The following NUP214 variants were observed in gnomAD, a reference collection of about 807,000 sequenced individuals.
The protein encoded by NUP214 is nuclear pore complex protein Nup214.
NUP214 carries 79 observed loss-of-function variants against 196.2 expected under a neutral mutation model. The ratio of observed to expected loss-of-function variants is 0.40; its 90% CI spans 0.34 to 0.49. The LOEUF (loss-of-function observed/expected upper bound fraction) is 0.49, where lower values mean the gene tolerates loss of function less well. NUP214 is among the 20% of genes least tolerant of loss of function. The probability of loss-of-function intolerance (pLI) is 0.58; values close to 1 mark genes in which losing one functional copy is unlikely to be tolerated. For missense variants in NUP214, 2,468 were observed against 2,539.0 expected, an observed-to-expected ratio of 0.97 and a Z score of 0.60; for synonymous variants, 1,020 against 990.5, an observed-to-expected ratio of 1.03 and a Z score of -0.56.
Position 131,192,197 on chromosome 9 carries a change from C to G in NUP214, c.3575-11C>G. On this transcript the variant is annotated splice_polypyrimidine_tract_variant and intron_variant, in intron 26 of 35. Coordinates refer to ENST00000359428, the MANE Select transcript of NUP214 (RefSeq NM_005085.4). Reference sequence around the variant, plus strand: ...TTTTTTTTTTTTTTTTTTTTTTTTCCATAATTTCAGGGACAGCCAAGATAG... The same window carrying G: ...TTTTTTTTTTTTTTTTTTTTTTTTCGATAATTTCAGGGACAGCCAAGATAG... 5.6e-6 allele frequency: 1 copy of G among 179,470 alleles called. No homozygotes were observed. Among genetic ancestry groups the G allele is most frequent in the Non-Finnish European group, 9.2e-6 (1 of 109,084 alleles). The allele number at this position is 179,470 out of a possible 1,614,324, so 11.1% of individuals were successfully genotyped here. A position where few individuals can be genotyped will look rare whatever the true frequency, so the allele number is the denominator to read the frequency against.
intron 24 of NUP214, among the ~76,000 whole-genome samples, chr9:131,182,606 G>C (rs2131014715): frequency 6.6e-6 from 1 of 152,294 alleles, no homozygotes; most frequent in East Asian, 1.9e-4. Flanking sequence ...GTGCCAAAAA[G>C]GTTGGGGACC....
At position 131,125,758 on chromosome 9, in the gene NUP214, C is replaced by T; in HGVS notation, c.45+9C>T. On this transcript the variant is annotated intron_variant, in intron 1 of 35. Transcript: ENST00000359428. The surrounding 1 kb of genome is among the most constrained non-coding windows in gnomAD (Gnocchi z 4.1). ...CCGAGCGGGAGATGAAGGTCAGAGA[C>T]TAACCGGGGCCTCCCTCCCTTCTTT... is the stretch of plus-strand genomic sequence containing the variant. 2.6e-6 allele frequency: 4 copies of T among 1,551,298 alleles called. No homozygotes were observed. The highest frequency in any genetic ancestry group is 2.6e-6 in the Non-Finnish European group (3 of 1,146,838).
Position 131,144,424 on chromosome 9 carries a change from C to G in NUP214, c.1439C>G (p.Thr480Ser), listed in dbSNP as rs758074934. 1 of 1,614,200 alleles carries G rather than the reference C, an allele frequency of 6.2e-7. No individual in the cohort carries two copies. The highest frequency in any genetic ancestry group is 1.1e-5 in the South Asian group (1 of 91,086). ...TTGCTTCCTGCTGGTGGAGCCCCCA[C>G]TGTGTTCTCCTTTGGTTCTTCATCT... ...FSLLPAGGAP[T>S]VFSFGSSSLK... Residue 480 changes from threonine to serine, a missense_variant, in exon 12 of 36, where the codon ACT (threonine) becomes AGT (serine). Around this residue, in one of 5 missense-constraint regions of NUP214, gnomAD observed 1,801 missense variants for 1,779.4 expected, o/e 1.01. Coordinates refer to ENST00000359428, the MANE Select transcript of NUP214 (RefSeq NM_005085.4).
chr9:131,152,011 G>T, intron 17 of NUP214, 117 bp downstream of exon 17: 1 of 750,862 alleles, frequency 1.3e-6, no homozygotes, highest in Non-Finnish European at 2.0e-6. Context: ...TTGATTTTCT[G>T]CTTATAATTT....
Position 131,125,722 on chromosome 9 carries a change from T to C in NUP214, c.18T>C (p.Asp6=). Residue 6 remains aspartate (D), a synonymous_variant, in exon 1 of 36, where the codon GAT becomes GAC. Coordinates refer to ENST00000359428, the MANE Select transcript of NUP214 (RefSeq NM_005085.4). This position sits in a 1 kb window ranked among gnomAD's most constrained non-coding sequence, Gnocchi z 4.1. MGDEM[D]AMIPEREMKD... Reference sequence around the variant, plus strand: ...GCGGCGCGATGGGAGACGAGATGGATGCCATGATTCCCGAGCGGGAGATGA... The same window carrying C: ...GCGGCGCGATGGGAGACGAGATGGACGCCATGATTCCCGAGCGGGAGATGA... 6.4e-7 allele frequency: 1 copy of C among 1,552,542 alleles called. No individual in the cohort carries two copies.
chr9:131,145,279 C>T (rs150240254), intron 12 of NUP214, among the ~76,000 whole-genome samples: 51 of 152,160 alleles, frequency 3.4e-4, no homozygotes, highest in African/African-American at 1.2e-3. Flanking sequence ...AGATCTGGGT[C>T]GGGCAGCTCA....
At position 131,128,334 on chromosome 9, in the gene NUP214, G is replaced by A; in HGVS notation, c.244G>A (p.Asp82Asn). ...KPGDDPNKIV[D>N]KVQGLLVPMK... ...TTTGTATTTTTTTGTTTTCATAGTT[G>A]ATAAAGTCCAAGGCTTGCTAGTTCC... Residue 82 changes from aspartate to asparagine, a missense_variant and splice_region_variant, in exon 3 of 36, where the codon GAT becomes AAT. Asp to Asn is a conservative substitution (Grantham distance 23). Around this residue, in one of 5 missense-constraint regions of NUP214, gnomAD observed 392 missense variants for 417.9 expected, o/e 0.94. Transcript: ENST00000359428. The A allele has an allele frequency of 6.2e-7, 1 of 1,606,810 alleles. No individual in the cohort carries two copies. The highest frequency in any genetic ancestry group is 8.5e-7 in the Non-Finnish European group (1 of 1,175,854).
At chr9:131,220,341 C>T (rs563453467) in intron 31 of NUP214, among the ~76,000 whole-genome samples, 3 of 152,286 alleles carry the variant, frequency 2.0e-5, no homozygotes, top group African/African-American at 4.8e-5. Flanking sequence ...ACATTGTTGA[C>T]ATTAGAAACA....
rs778878677 is a variant in NUP214 at position 131,178,319 on chromosome 9, A to G, written c.3328A>G (p.Thr1110Ala). 4 of 1,612,728 alleles carry G rather than the reference A, an allele frequency of 2.5e-6. No individual in the cohort carries two copies. Among genetic ancestry groups the G allele is most frequent in the Admixed American group, 1.7e-5 (1 of 60,016 alleles). Reference sequence around the variant, plus strand: ...TTCTCTGTTTAAATTAGCTGTAAACACTTTGACTGAATCAACGTTGAAGAA... The same window carrying G: ...TTCTCTGTTTAAATTAGCTGTAAACGCTTTGACTGAATCAACGTTGAAGAA... ...QMASQAPAVNTLTESTLKNVP... is the reference protein window; with the variant it reads ...QMASQAPAVNALTESTLKNVP... Residue 1110 changes from threonine (T) to alanine (A), a missense_variant, in exon 24 of 36, where the codon ACT becomes GCT. This residue lies in a region of NUP214 where 1,801 missense variants were observed against 1,779.4 expected (regional missense o/e 1.01). Coordinates refer to ENST00000359428, the MANE Select transcript of NUP214 (RefSeq NM_005085.4).
At chr9:131,215,847 T>A (rs1487215295) in intron 31 of NUP214, among the ~76,000 whole-genome samples, 13 of 152,116 alleles carry the variant, frequency 8.5e-5, no homozygotes, top group Admixed American at 8.5e-4. Context: ...CTCTTACATT[T>A]TTGTTTTATT....
intron 32 of NUP214, among the ~76,000 whole-genome samples, chr9:131,223,787 T>C: frequency 7.5e-6 from 1 of 132,598 alleles, no homozygotes; most frequent in Non-Finnish European, 1.6e-5. Context: ...CAGGCTGGAG[T>C]GCAGTGGCGC....
intron 21 of NUP214, among the ~76,000 whole-genome samples, chr9:131,170,863 A>C (rs1832936830): frequency 1.3e-5 from 2 of 151,994 alleles, no homozygotes; most frequent in South Asian, 4.1e-4. Context: ...AGTGCAGCGT[A>C]AAAGTGTCGT....
intron 30 of NUP214, among the ~76,000 whole-genome samples, chr9:131,207,586 C>T (rs951019086): frequency 6.6e-6 from 1 of 152,258 alleles, no homozygotes; most frequent in African/African-American, 2.4e-5. Flanking sequence ...CACAGAACAT[C>T]ACTTAGGCTG....
At chr9:131,127,360 A>C (rs1166773041) in intron 1 of NUP214, among the ~76,000 whole-genome samples, 164 bp from the exon 2 acceptor site, 1 of 152,148 alleles carries the variant, frequency 6.6e-6, no homozygotes, top group African/African-American at 2.4e-5. Context: ...TCCAGCCTGG[A>C]CGACAGAGCG....
chr9:131,136,869 G>A (rs919181646), intron 9 of NUP214: 10 of 152,206 alleles, frequency 6.6e-5, no homozygotes, highest in African/African-American at 2.2e-4. Context: ...TTTTAAAACT[G>A]GCTTGAACTT....
At chr9:131,215,764 TC>T (rs1273191343) in intron 31 of NUP214, among the ~76,000 whole-genome samples, 1 of 152,172 alleles carries the variant, frequency 6.6e-6, no homozygotes, top group Non-Finnish European at 1.5e-5. Context: ...GATAGTACTC[TC>T]CAAATTTTCC....
intron 24 of NUP214, among the ~76,000 whole-genome samples, chr9:131,186,916 A>G (rs1239804786): frequency 6.6e-6 from 1 of 152,156 alleles, no homozygotes; most frequent in Non-Finnish European, 1.5e-5. Flanking sequence ...AATGCTTCCC[A>G]TAGAGCCTGC....
At chr9:131,211,178 T>C (rs528597172) in intron 30 of NUP214, among the ~76,000 whole-genome samples, 1 of 152,300 alleles carries the variant, frequency 6.6e-6, no homozygotes, top group Non-Finnish European at 1.5e-5. Context: ...AGTCATTCTT[T>C]AATAAAACGG....
At chr9:131,215,846 TTTTG>T (rs1337332903) in intron 31 of NUP214, among the ~76,000 whole-genome samples, 3 of 152,108 alleles carry the variant, frequency 2.0e-5, no homozygotes, top group African/African-American at 7.2e-5. Context: ...CCTCTTACAT[TTTTG>T]TTTTATTTTC....
Sources: gnomAD v4.1 joint callset for allele counts (sites outside exome capture counted in the v4.1 genomes callset) on GRCh38, gnomAD v4.1.1 for gene constraint, gnomAD v4.1.1 regional missense constraint, Gnocchi (gnomAD v3.1) non-coding constraint, MANE v1.5 for transcripts, NCBI Gene and HGNC (gene_info 2026-07-23, HGNC 2026-07-21) for gene names.